Variants in AFF2 observed in about 807,000 individuals in gnomAD.
AFF2 encodes the protein ALF transcription elongation factor 2.
AFF2 carries 14 observed loss-of-function variants against 76.9 expected under a neutral mutation model. The ratio of observed to expected loss-of-function variants is 0.18; its 90% CI spans 0.12 to 0.28. The LOEUF is 0.28. AFF2 is among the 10% of genes least tolerant of loss of function. The pLI is 1.00. For synonymous variants in AFF2, 398 were observed against 366.7 expected, an observed-to-expected ratio of 1.09 and a Z score of -0.98; for missense variants, 868 against 1,001.1, an observed-to-expected ratio of 0.87 and a Z score of 1.79.
chrX:148,785,645 C>T (rs2069809525), intron 3 of AFF2, among the ~76,000 whole-genome samples: 1 of 111,749 alleles, frequency 8.9e-6, no homozygotes, highest in African/African-American at 3.3e-5. Flanking sequence ...CAGCCATCAA[C>T]ATGTACTTAT....
chrX:148,502,737 T>G (rs1018829369), intron 1 of AFF2, among the ~76,000 whole-genome samples: 6 of 112,863 alleles, frequency 5.3e-5, no homozygotes, highest in Admixed American at 4.7e-4. Context: ...ATATGTGGTG[T>G]GGGTTACATC....
chrX:148,703,850 A>C, intron 3 of AFF2, among the ~76,000 whole-genome samples: 1 of 110,736 alleles, frequency 9.0e-6, no homozygotes, highest in Non-Finnish European at 1.9e-5. Context: ...TATTAGTTAT[A>C]ATTATTAATG....
At chrX:148,536,229 T>G (rs1271550352) in intron 1 of AFF2, among the ~76,000 whole-genome samples, 1 of 109,703 alleles carries the variant, frequency 9.1e-6, no homozygotes, top group Non-Finnish European at 1.9e-5. Context: ...AAAAAAGAAT[T>G]CGACCATCCA....
chrX:148,832,110 C>A (rs1280144410), intron 4 of AFF2, among the ~76,000 whole-genome samples: 2 of 110,898 alleles, frequency 1.8e-5, no homozygotes, highest in Non-Finnish European at 3.8e-5. Flanking sequence ...CAGTAGGATA[C>A]CTTTTGGGAG....
At chrX:148,987,327 C>G (rs782128178) in intron 19 of AFF2, 40 bp from the exon 20 acceptor site, 18 of 1,146,539 alleles carry the variant, frequency 1.6e-5, no homozygotes, top group Non-Finnish European at 2.0e-5. Context: ...GTCACTCTTT[C>G]CTACCAGCCT....
intron 4 of AFF2, among the ~76,000 whole-genome samples, chrX:148,832,587 G>A (rs1434074687): frequency 8.9e-6 from 1 of 112,071 alleles, no homozygotes; most frequent in African/African-American, 3.2e-5. Flanking sequence ...TGTGGGGCTG[G>A]TAGCAATGAG....
intron 1 of AFF2, among the ~76,000 whole-genome samples, chrX:148,588,532 T>C (rs782576363): frequency 1.8e-5 from 2 of 112,621 alleles, no homozygotes; most frequent in Non-Finnish European, 3.8e-5. Context: ...GCAGAAACTA[T>C]CATGTAGATT....
rs186192487 is a variant in AFF2 at position 148,983,101 on chromosome X, A to G, written c.3623+2311A>G. On this transcript the variant is annotated intron_variant, in intron 19 of 20. Coordinates refer to ENST00000370460, the MANE Select transcript of AFF2 (RefSeq NM_002025.4). ...CTTTCGCAAACTATTCAGAGCTTAC[A>G]GCCCATACAGAAACACAAGATGGGC... 6.2e-5 allele frequency among the ~76,000 whole-genome samples: 7 copies of G among 112,009 alleles called. No homozygotes were observed. In the East Asian group the frequency reaches 2.0e-3, roughly 31 times the overall value.
intron 9 of AFF2, among the ~76,000 whole-genome samples, chrX:148,907,834 T>G (rs1402297201): frequency 1.8e-5 from 2 of 110,811 alleles, no homozygotes; most frequent in African/African-American, 6.6e-5. Flanking sequence ...AGGCGGGAAT[T>G]TCCTCGTCCT....
intron 1 of AFF2, among the ~76,000 whole-genome samples, chrX:148,547,642 G>A (rs2052938398): frequency 9.0e-6 from 1 of 111,668 alleles, no homozygotes; most frequent in Non-Finnish European, 1.9e-5. Context: ...CTTGTATTAA[G>A]GCCTATGAAT....
At chrX:148,719,139 T>C (rs1557263589) in intron 3 of AFF2, 2 of 1,144,262 alleles carry the variant, frequency 1.7e-6, no homozygotes, top group East Asian at 6.5e-5. Flanking sequence ...CCCATCTATC[T>C]ATCCCAGATG....
At chrX:148,659,555 C>G (rs192828453) in intron 2 of AFF2, among the ~76,000 whole-genome samples, 1 of 112,414 alleles carries the variant, frequency 8.9e-6, no homozygotes, top group Non-Finnish European at 1.9e-5. Flanking sequence ...GTTGTTTTCC[C>G]TTGTTGAGTC....
chrX:148,524,693 T>G (rs2052639380), intron 1 of AFF2, among the ~76,000 whole-genome samples: 1 of 112,625 alleles, frequency 8.9e-6, no homozygotes, highest in African/African-American at 3.2e-5. Flanking sequence ...ACATTATGTG[T>G]GTTTCAGAAG....
At chrX:148,915,238 G>A (rs782284489) in intron 9 of AFF2, among the ~76,000 whole-genome samples, 30 of 112,285 alleles carry the variant, frequency 2.7e-4, no homozygotes, top group African/African-American at 9.7e-4. Context: ...TTACAGCATA[G>A]GGGTATATTA....
chrX:148,670,800 G>A (rs1158356880), intron 3 of AFF2, among the ~76,000 whole-genome samples: 1 of 111,623 alleles, frequency 9.0e-6, no homozygotes, highest in African/African-American at 3.3e-5. Context: ...CTTCCCCAAG[G>A]ATTTTTCTAA....
chrX:148,740,934 C>T (rs1557265579), intron 3 of AFF2, among the ~76,000 whole-genome samples: 2 of 111,968 alleles, frequency 1.8e-5, no homozygotes, highest in Non-Finnish European at 3.8e-5. Context: ...GTTCTAGTCA[C>T]CCAGTGAATC....
intron 7 of AFF2, among the ~76,000 whole-genome samples, chrX:148,869,570 G>A (rs781938804): frequency 8.1e-5 from 9 of 111,761 alleles, no homozygotes; most frequent in Admixed American, 2.8e-4. Flanking sequence ...TCAAAAGAGC[G>A]TTATAGCTGT....
chrX:148,792,845 A>AAAAG (rs201216833), intron 3 of AFF2, among the ~76,000 whole-genome samples: 3,780 of 111,511 alleles, frequency 0.034, 152 homozygotes, highest in African/African-American at 0.11. Flanking sequence ...ACTAGACAAA[A>AAAAG]AAAGAAAGAA....
intron 3 of AFF2, among the ~76,000 whole-genome samples, chrX:148,775,440 G>A (rs782510598): frequency 8.0e-5 from 9 of 111,897 alleles, no homozygotes; most frequent in Non-Finnish European, 1.5e-4. Flanking sequence ...GGCATGGTTA[G>A]CCCCATTTGC....
Sources: gnomAD v4.1 joint callset for allele counts (sites outside exome capture counted in the v4.1 genomes callset) on GRCh38, gnomAD v4.1.1 for gene constraint, MANE v1.5 for transcripts, NCBI Gene and HGNC (gene_info 2026-07-23, HGNC 2026-07-21) for gene names.